PCDH9: variants seen among roughly 807,000 people sequenced by gnomAD.
PCDH9 encodes protocadherin-9.
Under a neutral mutation model 70.6 loss-of-function variants are expected in PCDH9, and 24 were observed. The ratio of observed to expected loss-of-function variants is 0.34; its 90% CI spans 0.25 to 0.48. The LOEUF (loss-of-function observed/expected upper bound fraction) is 0.48, where lower values mean the gene tolerates loss of function less well. Among genes scored for constraint, PCDH9 ranks in the 20% least tolerant of loss-of-function variants. The pLI, the probability that PCDH9 is intolerant of heterozygous loss-of-function variation, is 0.99. For synonymous variants in PCDH9, 562 were observed against 558.5 expected, an observed-to-expected ratio of 1.01 and a Z score of -0.09; for missense variants, 1,281 against 1,503.6, an observed-to-expected ratio of 0.85 and a Z score of 2.45.
intron 4 of PCDH9, among the ~76,000 whole-genome samples, chr13:66,372,348 C>A (rs1410758539): frequency 6.6e-6 from 1 of 151,476 alleles, no homozygotes; most frequent in African/African-American, 2.4e-5. Flanking sequence ...CTATCTGCGG[C>A]CTAAAGGACA....
At chr13:66,479,241 T>A (rs1397808987) in intron 4 of PCDH9, among the ~76,000 whole-genome samples, 1 of 152,178 alleles carries the variant, frequency 6.6e-6, no homozygotes, top group Non-Finnish European at 1.5e-5. Flanking sequence ...TATTACTGCT[T>A]ATGGACAATG....
chr13:66,497,856 T>A (rs1395353491), intron 4 of PCDH9, among the ~76,000 whole-genome samples: 1 of 147,066 alleles, frequency 6.8e-6, no homozygotes, highest in East Asian at 2.0e-4. Context: ...TCTCACTCTG[T>A]CACCCAGGCT....
chr13:66,392,141 T>G (rs755557794), intron 4 of PCDH9, among the ~76,000 whole-genome samples: 5 of 151,570 alleles, frequency 3.3e-5, no homozygotes, highest in Non-Finnish European at 5.9e-5. Context: ...CAAATAAAAA[T>G]TTGTCAACTG....
rs1404883073 is a variant in PCDH9 at position 67,010,265 on chromosome 13, T to C, written c.3037-106660A>G. On this transcript the variant is annotated intron_variant, in intron 2 of 4. Transcript: ENST00000377865. Reference sequence around the variant, plus strand: ...AGTTCCTTAAAGTCCCCAGCTAGTATAGAACACGGATTCAAACCCCCAACT... The same window carrying C: ...AGTTCCTTAAAGTCCCCAGCTAGTACAGAACACGGATTCAAACCCCCAACT... Among the ~76,000 whole-genome samples the C allele has an allele frequency of 3.3e-5, 5 of 151,980 alleles. No homozygotes were observed. In the East Asian group the frequency reaches 7.7e-4, roughly 23 times the overall value.
chr13:66,796,827 T>C (rs2080249494), intron 3 of PCDH9, among the ~76,000 whole-genome samples: 1 of 152,098 alleles, frequency 6.6e-6, no homozygotes. Flanking sequence ...GTATTAACGG[T>C]TGAAGAAGAA....
intron 2 of PCDH9, among the ~76,000 whole-genome samples, chr13:67,033,445 C>T (rs1448995255): frequency 6.6e-6 from 1 of 152,062 alleles, no homozygotes; most frequent in Non-Finnish European, 1.5e-5. Flanking sequence ...TCTTTCTTTC[C>T]CCTTTTTTCT....
chr13:66,481,366 C>T (rs1186360175), intron 4 of PCDH9, among the ~76,000 whole-genome samples: 2 of 151,206 alleles, frequency 1.3e-5, no homozygotes, highest in African/African-American at 4.9e-5. Context: ...CCTGATGAGT[C>T]AGCAGCCATC....
intron 2 of PCDH9, among the ~76,000 whole-genome samples, chr13:66,937,154 A>T (rs2139675472): frequency 6.6e-6 from 1 of 152,346 alleles, no homozygotes; most frequent in Middle Eastern, 3.4e-3. Flanking sequence ...AAATGTATAC[A>T]ATGTGCCATA....
intron 2 of PCDH9, among the ~76,000 whole-genome samples, chr13:67,016,558 G>A (rs2084565840): frequency 6.6e-6 from 1 of 152,132 alleles, no homozygotes; most frequent in Admixed American, 6.6e-5. Flanking sequence ...TTTACCTCAA[G>A]CCTTACAATC....
At chr13:66,840,842 C>T (rs555580415) in intron 3 of PCDH9, among the ~76,000 whole-genome samples, 2 of 152,258 alleles carry the variant, frequency 1.3e-5, no homozygotes, top group South Asian at 4.1e-4. Flanking sequence ...CTGGGAAATC[C>T]CCGAAGGGAG....
intron 4 of PCDH9, among the ~76,000 whole-genome samples, chr13:66,450,144 A>G (rs1374515340): frequency 6.6e-6 from 1 of 152,208 alleles, no homozygotes; most frequent in African/African-American, 2.4e-5. Flanking sequence ...GTCAGTAGCC[A>G]TCAGTTTATT....
At chr13:67,029,342 G>A (rs761887543) in intron 2 of PCDH9, among the ~76,000 whole-genome samples, 11 of 152,182 alleles carry the variant, frequency 7.2e-5, no homozygotes, top group Middle Eastern at 3.4e-3. Flanking sequence ...GAATCTTAAC[G>A]CAGTCTTTGC....
intron 3 of PCDH9, among the ~76,000 whole-genome samples, chr13:66,639,389 G>A (rs1406177027): frequency 6.6e-6 from 1 of 152,048 alleles, no homozygotes; most frequent in Non-Finnish European, 1.5e-5. Flanking sequence ...TATTTTTTCT[G>A]GGATTTGTAA....
chr13:66,712,791 A>T (rs1457974676), intron 3 of PCDH9, among the ~76,000 whole-genome samples: 7 of 152,130 alleles, frequency 4.6e-5, no homozygotes, highest in Non-Finnish European at 8.8e-5. Flanking sequence ...TACCCTTTGG[A>T]TTGGCTTTTC....
rs916018873 is a variant in PCDH9 at position 66,627,013 on chromosome 13, G to A, written c.3340+4197C>T. ...TTTAGAAGCAATAACCTATATTAAA[G>A]CCTGAAGTTTACAAAAATGTCTCCA... On this transcript the variant is annotated intron_variant, in intron 4 of 4. Transcript: ENST00000377865. Among the ~76,000 whole-genome samples, 10 of 150,292 alleles carry A rather than the reference G, an allele frequency of 6.7e-5. No individual in the cohort carries two copies. In the South Asian group the frequency reaches 1.9e-3, roughly 28 times the overall value.
chr13:66,911,050 T>C (rs1380797350), intron 2 of PCDH9, among the ~76,000 whole-genome samples: 3 of 152,212 alleles, frequency 2.0e-5, no homozygotes, highest in Non-Finnish European at 4.4e-5. Flanking sequence ...TTAGGCTGAA[T>C]TTATTCTCCT....
chr13:66,821,497 A>G (rs1001550673), intron 3 of PCDH9, among the ~76,000 whole-genome samples: 7 of 152,154 alleles, frequency 4.6e-5, no homozygotes, highest in Non-Finnish European at 8.8e-5. Flanking sequence ...GGTACAACAT[A>G]TCTCCTACCA....
intron 4 of PCDH9, among the ~76,000 whole-genome samples, chr13:66,396,027 A>C (rs1469583140): frequency 6.6e-6 from 1 of 152,154 alleles, no homozygotes; most frequent in Non-Finnish European, 1.5e-5. Flanking sequence ...GGCAGATATA[A>C]ACAAAAAGAG....
In PCDH9 at chr13:66,747,337, C is replaced by T. The variant is rs545174729; in HGVS notation, c.3139-115926G>A. The stretch of plus-strand genomic sequence containing the variant: ...TTGCACTCCAGCCTGGGCAACAGTG[C>T]GAGACGCCATCTCAAAACAAAACAA... On this transcript the variant is annotated intron_variant, in intron 3 of 4. Coordinates refer to ENST00000377865, the MANE Select transcript of PCDH9 (RefSeq NM_203487.3). Among the ~76,000 whole-genome samples the T allele has an allele frequency of 6.6e-5, 10 of 151,810 alleles. No individual in the cohort carries two copies. The South Asian group carries it at 8.3e-4, about 13-fold the overall frequency.
Sources: allele counts gnomAD v4.1 joint callset (sites outside exome capture counted in the v4.1 genomes callset), GRCh38; gene constraint gnomAD v4.1.1; transcripts MANE v1.5; gene names NCBI Gene and HGNC (gene_info 2026-07-23, HGNC 2026-07-21).